B3GALT1: variants seen among roughly 807,000 people sequenced by gnomAD.
B3GALT1 encodes the protein beta-1,3-galactosyltransferase 1.
A neutral mutation model predicts 23.2 loss-of-function variants in B3GALT1; 10 were observed. That is an observed-to-expected ratio of 0.43 (90% CI 0.27 to 0.73). The LOEUF is 0.73. Ranked by LOEUF, B3GALT1 falls within the 30% of genes least tolerant of loss-of-function variation. The pLI, the probability that B3GALT1 is intolerant of heterozygous loss-of-function variation, is 0.21. For synonymous variants in B3GALT1, 156 were observed against 141.5 expected, an observed-to-expected ratio of 1.10 and a Z score of -0.73; for missense variants, 299 against 405.4, an observed-to-expected ratio of 0.74 and a Z score of 2.25.
chr2:167,413,074 A>G (rs1698414439), intron 1 of B3GALT1, among the ~76,000 whole-genome samples: 1 of 152,090 alleles, frequency 6.6e-6, no homozygotes, highest in Non-Finnish European at 1.5e-5. Flanking sequence ...TTCTGATAAT[A>G]TTCTATGTCT....
chr2:167,422,955 C>T (rs1009477632), intron 1 of B3GALT1, among the ~76,000 whole-genome samples: 14 of 152,090 alleles, frequency 9.2e-5, no homozygotes, highest in African/African-American at 2.9e-4. Flanking sequence ...GCTATAGAAA[C>T]ATCATTCAGA....
At chr2:167,694,315 A>G (rs1195807637) in intron 3 of B3GALT1, among the ~76,000 whole-genome samples, 1 of 152,158 alleles carries the variant, frequency 6.6e-6, no homozygotes, top group African/African-American at 2.4e-5. Flanking sequence ...GAGTTGAATG[A>G]TAATTTAAGT....
intron 1 of B3GALT1, among the ~76,000 whole-genome samples, chr2:167,405,262 C>T (rs1434456451): frequency 6.6e-6 from 1 of 151,996 alleles, no homozygotes; most frequent in Non-Finnish European, 1.5e-5. Flanking sequence ...ATATTTAATT[C>T]TATATCAGTA....
intron 3 of B3GALT1, among the ~76,000 whole-genome samples, chr2:167,762,808 A>G (rs532777221): frequency 3.9e-5 from 6 of 152,284 alleles, no homozygotes; most frequent in African/African-American, 1.2e-4. Flanking sequence ...AAGTGGCTCA[A>G]TTTAGCTAAC....
intron 3 of B3GALT1, among the ~76,000 whole-genome samples, chr2:167,758,567 T>G (rs1440948662): frequency 6.6e-6 from 1 of 152,100 alleles, no homozygotes; most frequent in Non-Finnish European, 1.5e-5. Flanking sequence ...CTCTTTGACA[T>G]TGCTGCCTCC....
intron 3 of B3GALT1, among the ~76,000 whole-genome samples, chr2:167,659,921 A>G (rs990602711): frequency 6.6e-6 from 1 of 151,952 alleles, no homozygotes; most frequent in Non-Finnish European, 1.5e-5. Flanking sequence ...ATTTCCCCCA[A>G]TTCCAGAACT....
At chr2:167,308,239 G>C (rs539400618) in intron 1 of B3GALT1, among the ~76,000 whole-genome samples, 1 of 152,070 alleles carries the variant, frequency 6.6e-6, no homozygotes, top group East Asian at 1.9e-4. Flanking sequence ...GCTCAAAACT[G>C]AGTTTTTGAT....
chr2:167,515,640 T>C (rs976563800), intron 2 of B3GALT1, among the ~76,000 whole-genome samples: 1 of 152,094 alleles, frequency 6.6e-6, no homozygotes, highest in African/African-American at 2.4e-5. Context: ...ATGGAATATA[T>C]ATGTATATTT....
chr2:167,718,312 C>G (rs1687183158), intron 3 of B3GALT1, among the ~76,000 whole-genome samples: 1 of 151,934 alleles, frequency 6.6e-6, no homozygotes, highest in African/African-American at 2.4e-5. Flanking sequence ...AATTTCAAAC[C>G]TCTCTTATGA....
chr2:167,522,885 A>G (rs138447969), intron 2 of B3GALT1, among the ~76,000 whole-genome samples: 1 of 152,120 alleles, frequency 6.6e-6, no homozygotes, highest in South Asian at 2.1e-4. Flanking sequence ...TTCCTATAGG[A>G]TGTACAGTAA....
chr2:167,721,042 C>G (rs1393847646), intron 3 of B3GALT1, among the ~76,000 whole-genome samples: 1 of 152,084 alleles, frequency 6.6e-6, no homozygotes, highest in Non-Finnish European at 1.5e-5. Flanking sequence ...CCTCTCTCCC[C>G]CATCTCTCTC....
intron 1 of B3GALT1, among the ~76,000 whole-genome samples, chr2:167,420,540 T>G (rs960944227): frequency 6.6e-6 from 1 of 152,212 alleles, no homozygotes; most frequent in Non-Finnish European, 1.5e-5. Flanking sequence ...GAAAAACTCA[T>G]TACACATGGG....
chr2:167,435,109 A>G (rs907620084), intron 1 of B3GALT1, among the ~76,000 whole-genome samples: 24 of 152,090 alleles, frequency 1.6e-4, no homozygotes, highest in East Asian at 5.8e-4. Flanking sequence ...CACATTCTTT[A>G]TTCTTGAAGT....
chr2:167,860,191 C>T (rs977891003), intron 4 of B3GALT1, among the ~76,000 whole-genome samples: 1 of 152,176 alleles, frequency 6.6e-6, no homozygotes, highest in African/African-American at 2.4e-5. Flanking sequence ...TTTTTCCCCA[C>T]AGAATGAAGA....
intron 3 of B3GALT1, among the ~76,000 whole-genome samples, chr2:167,743,880 G>A (rs1478088502): frequency 2.0e-5 from 3 of 151,908 alleles, no homozygotes; most frequent in African/African-American, 7.3e-5. Context: ...GACTTCTTCT[G>A]TTTTTCTAAC....
intron 1 of B3GALT1, among the ~76,000 whole-genome samples, chr2:167,384,203 A>C (rs1697884924): frequency 1.3e-5 from 2 of 152,146 alleles, no homozygotes; most frequent in African/African-American, 4.8e-5. Context: ...ACTATATTTA[A>C]ATACCACACA....
At chr2:167,766,845 C>T (rs1687985267) in intron 3 of B3GALT1, among the ~76,000 whole-genome samples, 1 of 152,144 alleles carries the variant, frequency 6.6e-6, no homozygotes, top group African/African-American at 2.4e-5. Context: ...ACTCTTGGCC[C>T]TCCAGAAAGT....
At chr2:167,462,463 C>G (rs1553520394) in intron 1 of B3GALT1, among the ~76,000 whole-genome samples, 2 of 152,194 alleles carry the variant, frequency 1.3e-5, no homozygotes, top group Non-Finnish European at 2.9e-5. Flanking sequence ...TTTCCCTGGA[C>G]TACATAAGCT....
At chr2:167,811,428 A>G (rs535594004) in intron 3 of B3GALT1, among the ~76,000 whole-genome samples, 1 of 152,340 alleles carries the variant, frequency 6.6e-6, no homozygotes, top group South Asian at 2.1e-4. Context: ...AATATGTCCA[A>G]TTTGGAAGTA....
Sources: gnomAD v4.1 joint callset for allele counts (sites outside exome capture counted in the v4.1 genomes callset) on GRCh38, gnomAD v4.1.1 for gene constraint, MANE v1.5 for transcripts, NCBI Gene and HGNC (gene_info 2026-07-23, HGNC 2026-07-21) for gene names.